The following NLGN3 variants were observed in gnomAD, a reference collection of about 807,000 sequenced individuals.
NLGN3 encodes the protein neuroligin 3.
A neutral mutation model predicts 42.9 loss-of-function variants in NLGN3; 11 were observed. That is an observed-to-expected ratio of 0.26 (90% CI 0.16 to 0.42). The LOEUF is 0.42. Among genes scored for constraint, NLGN3 ranks in the 10% least tolerant of loss-of-function variants. The pLI is 1.00. For missense variants in NLGN3, 374 were observed against 733.8 expected (o/e 0.51, Z 5.67); for synonymous variants, 279 against 312.7 (o/e 0.89, Z 1.14).
chrX:71,145,178 C>A (rs939554160), intron 1 of NLGN3, among the ~76,000 whole-genome samples: 1 of 107,688 alleles, frequency 9.3e-6, no homozygotes, highest in Admixed American at 9.8e-5. Flanking sequence ...AACATCCTCC[C>A]GCCCATGGTC....
intron 1 of NLGN3, among the ~76,000 whole-genome samples, 179 bp downstream of exon 1, chrX:71,145,143 C>T (rs1185002497): frequency 9.5e-6 from 1 of 105,104 alleles, no homozygotes; most frequent in Admixed American, 1.0e-4. Flanking sequence ...CTCCCTTCTA[C>T]CTCCTCCCTA....
rs1262392653 is a variant in NLGN3, at chrX:71,171,158, C to G, written c.*1061C>G. Reference sequence around the variant, plus strand: ...TTGTCCTTTGTAAAAATTTTAAACACAGTGTCTTGATATAAAAATAAAAAA... The same window carrying G: ...TTGTCCTTTGTAAAAATTTTAAACAGAGTGTCTTGATATAAAAATAAAAAA... On this transcript the variant is annotated 3_prime_UTR_variant, in exon 8 of 8. Coordinates refer to ENST00000358741, the MANE Select transcript of NLGN3 (RefSeq NM_181303.2). The G allele has an allele frequency of 5.3e-6, 4 of 748,832 alleles. No individual in the cohort carries two copies. Among genetic ancestry groups the G allele is most frequent in the Non-Finnish European group, 6.3e-6 (4 of 637,609 alleles). The allele number at this position is 748,832 out of a possible 1,213,427, so 61.7% of individuals were successfully genotyped here.
chrX:71,175,142 T>C (rs1416894807), downstream of NLGN3, among the ~76,000 whole-genome samples: 2 of 111,579 alleles, frequency 1.8e-5, no homozygotes, highest in Non-Finnish European at 3.8e-5. Flanking sequence ...CTACTGTCAG[T>C]GAGTAATTAC....
At chrX:71,161,747 C>T (rs1430569160) in intron 5 of NLGN3, among the ~76,000 whole-genome samples, 1 of 111,581 alleles carries the variant, frequency 9.0e-6, no homozygotes, top group Non-Finnish European at 1.9e-5. Context: ...GCATTCCAGC[C>T]TGGGCGACAA....
intron 4 of NLGN3, among the ~76,000 whole-genome samples, chrX:71,154,924 C>T (rs919994849): frequency 1.8e-5 from 2 of 112,730 alleles, no homozygotes; most frequent in African/African-American, 6.4e-5. Flanking sequence ...TGCCCCCCGC[C>T]CCCAGGGCCC....
intron 1 of NLGN3, among the ~76,000 whole-genome samples, chrX:71,145,476 C>G (rs2092363160): frequency 9.3e-6 from 1 of 107,520 alleles, no homozygotes. Flanking sequence ...TGGTCCATTC[C>G]TGCACAATGC....
intron 1 of NLGN3, among the ~76,000 whole-genome samples, chrX:71,146,178 C>CACAG (rs2092368847): frequency 1.5e-5 from 1 of 68,958 alleles, no homozygotes; most frequent in Non-Finnish European, 2.6e-5. Context: ...CACAGACACA[C>CACAG]ACACACACAC....
Position 71,170,803 on chromosome X carries a change from C to A in NLGN3, c.*706C>A. The A allele has an allele frequency of 1.3e-6, 1 of 755,866 alleles. No homozygotes were observed. Among genetic ancestry groups the A allele is most frequent in the Non-Finnish European group, 1.6e-6 (1 of 640,237 alleles). 62.3% of individuals were successfully genotyped at this position (755,866 alleles called of 1,213,427 possible). A position where few individuals can be genotyped will look rare whatever the true frequency, so the allele number is the denominator to read the frequency against. On this transcript the variant is annotated 3_prime_UTR_variant, in exon 8 of 8. Transcript: ENST00000358741. Reference sequence around the variant, plus strand: ...AGCTGGAGGGTCGTAGGGGAGAGATCTCCAACTCTCTCTGTGTCCGTGTGG... The same window carrying A: ...AGCTGGAGGGTCGTAGGGGAGAGATATCCAACTCTCTCTGTGTCCGTGTGG...
At chrX:71,155,388 G>A in intron 5 of NLGN3, 25 bp downstream of exon 5, 1 of 1,209,651 alleles carries the variant, frequency 8.3e-7, no homozygotes, top group Non-Finnish European at 1.1e-6. Flanking sequence ...CTGGTGCCTG[G>A]AAGGAAGACT....
At chrX:71,153,894 C>T (rs188401880) in intron 4 of NLGN3, among the ~76,000 whole-genome samples, 10 of 111,872 alleles carry the variant, frequency 8.9e-5, no homozygotes, top group East Asian at 8.5e-4. Context: ...ACAAAGACAA[C>T]GGAACGGCAA....
intron 5 of NLGN3, among the ~76,000 whole-genome samples, 189 bp from the exon 6 acceptor site, chrX:71,163,954 C>T (rs1162029102): frequency 8.9e-6 from 1 of 112,793 alleles, no homozygotes; most frequent in African/African-American, 3.2e-5. Flanking sequence ...AGGCAGGGAG[C>T]TGACCCCTCC....
rs187565987 is a variant in NLGN3, at chrX:71,156,015, G to A, written c.727+652G>A. Reference sequence around the variant, plus strand: ...ACCCCGCAGATGGCTCTCACCCTCCGCATGTACACACACACATGCTCATAT... The same window carrying A: ...ACCCCGCAGATGGCTCTCACCCTCCACATGTACACACACACATGCTCATAT... On this transcript the variant is annotated intron_variant, in intron 5 of 7. Transcript: ENST00000358741. Among the ~76,000 whole-genome samples, 10 of 109,737 alleles carry A rather than the reference G, an allele frequency of 9.1e-5. No individual in the cohort carries two copies. In the East Asian group the frequency reaches 2.6e-3, roughly 28 times the overall value.
chrX:71,163,461 C>T (rs943010974), intron 5 of NLGN3, among the ~76,000 whole-genome samples: 1 of 111,308 alleles, frequency 9.0e-6, no homozygotes, highest in African/African-American at 3.3e-5. Flanking sequence ...ATCAAGGCCC[C>T]GGAAGGAAGT....
chrX:71,156,851 G>T (rs776343955), intron 5 of NLGN3, among the ~76,000 whole-genome samples: 10 of 111,259 alleles, frequency 9.0e-5, no homozygotes, highest in Non-Finnish European at 1.9e-4. Context: ...CCCCACCCCC[G>T]CATTCTCTGC....
Position 71,171,156 on chromosome X carries a change from C to G in NLGN3, c.*1059C>G. On this transcript the variant is annotated 3_prime_UTR_variant, in exon 8 of 8. Transcript: ENST00000358741. Reference sequence around the variant, plus strand: ...GTTTGTCCTTTGTAAAAATTTTAAACACAGTGTCTTGATATAAAAATAAAA... The same window carrying G: ...GTTTGTCCTTTGTAAAAATTTTAAAGACAGTGTCTTGATATAAAAATAAAA... 4 of 749,999 alleles carry G rather than the reference C, an allele frequency of 5.3e-6. No individual in the cohort carries two copies. Among genetic ancestry groups the G allele is most frequent in the Non-Finnish European group, 6.3e-6 (4 of 637,630 alleles). The allele number at this position is 749,999 out of a possible 1,213,427, so 61.8% of individuals were successfully genotyped here. A position where few individuals can be genotyped will look rare whatever the true frequency, so the allele number is the denominator to read the frequency against.
At chrX:71,146,153 T>TCACA (rs752225810) in intron 1 of NLGN3, among the ~76,000 whole-genome samples, 402 of 26,241 alleles carry the variant, frequency 0.015, 3 homozygotes, top group African/African-American at 0.017. Flanking sequence ...TCTCTCTCTC[T>TCACA]CACACACACA....
At chrX:71,168,779 G>A (rs1228762616) in intron 7 of NLGN3, among the ~76,000 whole-genome samples, 13 of 54,144 alleles carry the variant, frequency 2.4e-4, no homozygotes, top group African/African-American at 1.4e-3. Flanking sequence ...AAGAAAAAGG[G>A]AAGAAAGAAA....
intron 5 of NLGN3, among the ~76,000 whole-genome samples, chrX:71,161,361 G>A (rs1185229658): frequency 8.4e-5 from 9 of 107,403 alleles, no homozygotes; most frequent in South Asian, 4.2e-4. Context: ...TGATCTGCCC[G>A]CCTTGGCCTC....
intron 4 of NLGN3, among the ~76,000 whole-genome samples, chrX:71,154,706 C>T (rs2092402418): frequency 8.9e-6 from 1 of 111,835 alleles, no homozygotes; most frequent in African/African-American, 3.3e-5. Flanking sequence ...CCCTGTGCCA[C>T]CCCTTATTCC....
Sources: gnomAD v4.1 joint callset for allele counts (sites outside exome capture counted in the v4.1 genomes callset) on GRCh38, gnomAD v4.1.1 for gene constraint, MANE v1.5 for transcripts, NCBI Gene and HGNC (gene_info 2026-07-23, HGNC 2026-07-21) for gene names.